Variants in NRP1 observed in about 807,000 individuals in gnomAD.
The protein encoded by NRP1 is neuropilin-1.
Under a neutral mutation model 106.7 loss-of-function variants are expected in NRP1, and 35 were observed. That is an observed-to-expected ratio of 0.33 (90% CI 0.25 to 0.43). NRP1 has a LOEUF of 0.43. Among genes scored for constraint, NRP1 ranks in the 20% least tolerant of loss-of-function variants. The pLI, the probability that NRP1 is intolerant of heterozygous loss-of-function variation, is 1.00. For missense variants in NRP1, 1,024 were observed against 1,170.4 expected (o/e 0.87, Z 1.83); for synonymous variants, 437 against 417.9 (o/e 1.05, Z -0.56).
intron 8 of NRP1, among the ~76,000 whole-genome samples, chr10:33,221,344 G>A (rs1176554289): frequency 1.3e-5 from 2 of 152,204 alleles, no homozygotes; most frequent in Non-Finnish European, 2.9e-5. Context: ...CCTTCATGGA[G>A]CTTACAGTCT....
intron 2 of NRP1, among the ~76,000 whole-genome samples, chr10:33,301,593 A>G (rs1845802971): frequency 6.6e-6 from 1 of 152,184 alleles, no homozygotes; most frequent in African/African-American, 2.4e-5. Context: ...ATCACGGTCC[A>G]CTGTGTTGTG....
chr10:33,297,831 C>A (rs1433654645), intron 2 of NRP1, among the ~76,000 whole-genome samples: 1 of 151,968 alleles, frequency 6.6e-6, no homozygotes, highest in Non-Finnish European at 1.5e-5. Context: ...AGGCTGTCAC[C>A]CCTTGATGAT....
chr10:33,326,319 T>C (rs570314632), intron 2 of NRP1, among the ~76,000 whole-genome samples: 1 of 152,314 alleles, frequency 6.6e-6, no homozygotes, highest in South Asian at 2.1e-4. Flanking sequence ...TCGATGTACA[T>C]ACTGAAAACC....
At chr10:33,214,733 G>A (rs1322518810) in intron 8 of NRP1, among the ~76,000 whole-genome samples, 1 of 152,144 alleles carries the variant, frequency 6.6e-6, no homozygotes, top group African/African-American at 2.4e-5. Flanking sequence ...CTGATTCCAT[G>A]GATAGGAGTA....
At chr10:33,304,836 T>C (rs544084555) in intron 2 of NRP1, among the ~76,000 whole-genome samples, 1 of 152,340 alleles carries the variant, frequency 6.6e-6, no homozygotes, top group East Asian at 1.9e-4. Context: ...CTCGCTGCTT[T>C]TCGAGGCAGT....
chr10:33,291,576 G>A (rs1448768410), intron 2 of NRP1, among the ~76,000 whole-genome samples: 1 of 152,130 alleles, frequency 6.6e-6, no homozygotes, highest in East Asian at 1.9e-4. Flanking sequence ...GTGGAAACCT[G>A]GACTTCAGTA....
intron 12 of NRP1, chr10:33,195,668 C>G: frequency 4.2e-6 from 2 of 479,328 alleles, no homozygotes; most frequent in Non-Finnish European, 8.5e-6. Flanking sequence ...GAAGCATGCT[C>G]AAGTCCCCAT....
At position 33,192,303 on chromosome 10, in the gene NRP1, C is replaced by T. The variant is rs143166082; in HGVS notation, c.2040G>A (p.Thr680=). The T allele has an allele frequency of 4.7e-5, 76 of 1,613,588 alleles. No individual in the cohort carries two copies. In the African/African-American group the frequency reaches 9.2e-4, roughly 20 times the overall value. ...QLKWSVLTSK[T]GPIQDHTGDG... ...TACCTGTGTGATCCTGAATGGGTCCCGTCTTGCTGGTCAACACACTCCACT... is the reference window on the plus strand; with the variant it reads ...TACCTGTGTGATCCTGAATGGGTCCTGTCTTGCTGGTCAACACACTCCACT... Residue 680 remains threonine, a synonymous_variant, in exon 13 of 17, where the codon ACG becomes ACA. Coordinates refer to ENST00000374867, the MANE Select transcript of NRP1 (RefSeq NM_003873.7).
intron 6 of NRP1, among the ~76,000 whole-genome samples, chr10:33,235,437 G>T (rs1274309845): frequency 6.6e-6 from 1 of 152,242 alleles, no homozygotes. Flanking sequence ...ACAGCATCAG[G>T]CTCTGAAAGG....
At chr10:33,301,694 T>C (rs1367317463) in intron 2 of NRP1, among the ~76,000 whole-genome samples, 1 of 152,136 alleles carries the variant, frequency 6.6e-6, no homozygotes, top group Admixed American at 6.5e-5. Flanking sequence ...GGGGTGTTTT[T>C]TGGACATCCC....
chr10:33,200,641 G>A (rs769869935), intron 11 of NRP1, among the ~76,000 whole-genome samples: 1 of 152,154 alleles, frequency 6.6e-6, no homozygotes, highest in Non-Finnish European at 1.5e-5. Context: ...AAACATCCAC[G>A]TTTGTAGTCC....
intron 10 of NRP1, among the ~76,000 whole-genome samples, chr10:33,204,608 T>C (rs2132719876): frequency 6.6e-6 from 1 of 152,326 alleles, no homozygotes; most frequent in Admixed American, 6.5e-5. Context: ...GAGTTCCGCA[T>C]TGTAAATGGC....
intron 2 of NRP1, among the ~76,000 whole-genome samples, chr10:33,282,541 C>T (rs1470092635): frequency 6.6e-6 from 1 of 151,950 alleles, no homozygotes; most frequent in Non-Finnish European, 1.5e-5. Flanking sequence ...AGTTTTTTCA[C>T]CCCCCAGTAA....
intron 2 of NRP1, among the ~76,000 whole-genome samples, chr10:33,329,707 T>A (rs572056997): frequency 1.3e-5 from 2 of 152,308 alleles, no homozygotes; most frequent in African/African-American, 4.8e-5. Flanking sequence ...TATTTATATA[T>A]GTACAAACTT....
intron 8 of NRP1, among the ~76,000 whole-genome samples, chr10:33,219,885 G>A (rs4934836): frequency 0.28 from 42,895 of 151,974 alleles, 6,514 homozygotes; most frequent in East Asian, 0.63. Flanking sequence ...AACCTCAAAT[G>A]GCCTTGTTTC....
intron 11 of NRP1, among the ~76,000 whole-genome samples, 179 bp from the exon 12 acceptor site, chr10:33,197,888 A>G (rs1395612479): frequency 1.3e-5 from 2 of 148,324 alleles, no homozygotes; most frequent in African/African-American, 2.5e-5. Context: ...AAATTCAAAT[A>G]AACCATTATT....
At chr10:33,294,263 T>C (rs189092579) in intron 2 of NRP1, among the ~76,000 whole-genome samples, 41 of 152,336 alleles carry the variant, frequency 2.7e-4, no homozygotes, top group Middle Eastern at 3.4e-3. Context: ...TTTAGCTTCC[T>C]GCAAATGTGC....
intron 2 of NRP1, among the ~76,000 whole-genome samples, chr10:33,290,390 A>T (rs1844910896): frequency 6.8e-6 from 1 of 147,212 alleles, no homozygotes; most frequent in African/African-American, 2.5e-5. Flanking sequence ...CCACCAAGGC[A>T]TGAGGGGATG....
chr10:33,314,315 G>T (rs77518180), intron 2 of NRP1, among the ~76,000 whole-genome samples: 1 of 152,146 alleles, frequency 6.6e-6, no homozygotes, highest in Non-Finnish European at 1.5e-5. Flanking sequence ...CTGGCCTCAC[G>T]CCATCCTCCC....
Sources: allele counts gnomAD v4.1 joint callset (sites outside exome capture counted in the v4.1 genomes callset), GRCh38; gene constraint gnomAD v4.1.1; transcripts MANE v1.5; gene names NCBI Gene and HGNC (gene_info 2026-07-23, HGNC 2026-07-21).